CNTN5: variants seen among roughly 807,000 people sequenced by gnomAD.
CNTN5 encodes contactin-5.
CNTN5 carries 77 observed loss-of-function variants against 129.1 expected under a neutral mutation model. That is an observed-to-expected ratio of 0.60 (90% confidence interval 0.50 to 0.72). The LOEUF (loss-of-function observed/expected upper bound fraction) is 0.72, where lower values mean the gene tolerates loss of function less well. Among genes scored for constraint, CNTN5 ranks in the 30% least tolerant of loss-of-function variants. The pLI is 0.00. For missense variants in CNTN5, 1,478 were observed against 1,328.8 expected, an observed-to-expected ratio of 1.11 and a Z score of -1.75; for synonymous variants, 509 against 465.6, an observed-to-expected ratio of 1.09 and a Z score of -1.20.
chr11:99,087,842 T>A (rs7128192), intron 1 of CNTN5, among the ~76,000 whole-genome samples: 3,367 of 152,278 alleles, frequency 0.022, 128 homozygotes, highest in African/African-American at 0.078. Context: ...AATTTTATTT[T>A]CCCTAAGACA....
intron 21 of CNTN5, among the ~76,000 whole-genome samples, chr11:100,323,322 CTCTT>C (rs1456891858): frequency 7.2e-5 from 11 of 152,184 alleles, no homozygotes. Context: ...TTTTCAACGG[CTCTT>C]TCTGATTAAC....
Position 100,294,789 on chromosome 11 carries a change from A to C in CNTN5, c.2315-2836A>C, listed in dbSNP as rs180963705. 2.8e-3 allele frequency among the ~76,000 whole-genome samples: 420 copies of C among 151,776 alleles called. 2 individuals are homozygous for C. The highest frequency in any genetic ancestry group is 9.5e-3 in the African/African-American group (395 of 41,520). On this transcript the variant is annotated intron_variant, in intron 18 of 24. Coordinates refer to ENST00000524871, the MANE Select transcript of CNTN5 (RefSeq NM_014361.4). The stretch of plus-strand genomic sequence containing the variant: ...CATAAGCGCTCCGAAAGATTAAGTC[A>C]AATCCCTTCAGATCAGGAATATGTT...
intron 3 of CNTN5, among the ~76,000 whole-genome samples, chr11:99,642,810 A>G (rs957167883): frequency 6.6e-6 from 1 of 152,136 alleles, no homozygotes; most frequent in African/African-American, 2.4e-5. Context: ...CTGTGAGATC[A>G]ACTTTCTAGA....
At chr11:100,259,123 A>G (rs565176179) in intron 17 of CNTN5, among the ~76,000 whole-genome samples, 2 of 151,028 alleles carry the variant, frequency 1.3e-5, no homozygotes, top group East Asian at 4.2e-4. Context: ...AATGAAGAGC[A>G]AAAAAAAGCA....
At chr11:99,602,493 A>G (rs17133913) in intron 3 of CNTN5, among the ~76,000 whole-genome samples, 1,649 of 152,234 alleles carry the variant, frequency 0.011, 34 homozygotes, top group African/African-American at 0.036. Flanking sequence ...TGTATTGATC[A>G]GGCACATTTC....
intron 13 of CNTN5, among the ~76,000 whole-genome samples, chr11:100,173,620 G>A (rs1947883478): frequency 6.6e-6 from 1 of 152,100 alleles, no homozygotes; most frequent in Admixed American, 6.6e-5. Flanking sequence ...TGAGCAAAAT[G>A]GTAGAGGTGG....
intron 1 of CNTN5, among the ~76,000 whole-genome samples, chr11:99,219,948 T>A (rs1448658656): frequency 6.6e-6 from 1 of 152,006 alleles, no homozygotes; most frequent in Non-Finnish European, 1.5e-5. Context: ...GAAACTTTGC[T>A]CCTCAAAGAG....
intron 3 of CNTN5, among the ~76,000 whole-genome samples, chr11:99,587,395 C>T (rs574346536): frequency 3.7e-4 from 56 of 152,284 alleles, no homozygotes; most frequent in African/African-American, 1.3e-3. Context: ...CAGTGTCTCC[C>T]ATAAAGGAGC....
At chr11:99,523,733 T>A (rs1035198113) in intron 2 of CNTN5, among the ~76,000 whole-genome samples, 5 of 150,292 alleles carry the variant, frequency 3.3e-5, no homozygotes, top group Admixed American at 6.6e-5. Context: ...ATAGAATATG[T>A]GTTTGTTTTT....
intron 8 of CNTN5, among the ~76,000 whole-genome samples, chr11:99,993,656 G>A (rs1939265633): frequency 1.3e-5 from 2 of 152,084 alleles, no homozygotes; most frequent in South Asian, 4.1e-4. Context: ...AGGCAGTAAT[G>A]CTCACTTACC....
At chr11:99,589,135 T>C (rs926687628) in intron 3 of CNTN5, among the ~76,000 whole-genome samples, 1 of 152,196 alleles carries the variant, frequency 6.6e-6, no homozygotes, top group African/African-American at 2.4e-5. Flanking sequence ...ACTGTCATAA[T>C]ACAAGGGGAT....
intron 1 of CNTN5, among the ~76,000 whole-genome samples, chr11:99,142,064 G>A (rs769363118): frequency 3.3e-5 from 5 of 152,178 alleles, no homozygotes; most frequent in East Asian, 3.9e-4. Context: ...TTTGCTTCTC[G>A]ATGATTTCAA....
chr11:100,313,604 T>C (rs1401996964), intron 21 of CNTN5, among the ~76,000 whole-genome samples: 1 of 151,900 alleles, frequency 6.6e-6, no homozygotes, highest in Non-Finnish European at 1.5e-5. Flanking sequence ...TGGAGTCAAA[T>C]TGAGAGAACA....
intron 13 of CNTN5, among the ~76,000 whole-genome samples, chr11:100,100,320 G>A (rs1945175796): frequency 6.6e-6 from 1 of 152,048 alleles, no homozygotes; most frequent in African/African-American, 2.4e-5. Flanking sequence ...TAGGTGCTCA[G>A]TGCACTTCAT....
chr11:99,973,779 G>A (rs1937741012), intron 8 of CNTN5, among the ~76,000 whole-genome samples: 1 of 152,042 alleles, frequency 6.6e-6, no homozygotes, highest in Non-Finnish European at 1.5e-5. Flanking sequence ...AGGATATTGA[G>A]GATTCTAAAA....
At chr11:99,039,197 C>T (rs541040159) in intron 1 of CNTN5, among the ~76,000 whole-genome samples, 19 of 152,088 alleles carry the variant, frequency 1.2e-4, no homozygotes, top group Non-Finnish European at 2.2e-4. Flanking sequence ...ATGTTGTAGA[C>T]CAAAATGAAG....
intron 16 of CNTN5, among the ~76,000 whole-genome samples, chr11:100,235,131 G>C (rs1453025660): frequency 6.6e-6 from 1 of 152,130 alleles, no homozygotes; most frequent in African/African-American, 2.4e-5. Flanking sequence ...CAAAATATTG[G>C]AAGTACATTG....
intron 9 of CNTN5, among the ~76,000 whole-genome samples, chr11:100,053,320 G>A (rs1183652403): frequency 1.3e-5 from 2 of 151,510 alleles, no homozygotes; most frequent in African/African-American, 4.8e-5. Flanking sequence ...AGCTCAGATT[G>A]GAAGAAAATA....
chr11:100,067,013 C>T (rs548527861), intron 10 of CNTN5, among the ~76,000 whole-genome samples: 1 of 151,756 alleles, frequency 6.6e-6, no homozygotes, highest in South Asian at 2.1e-4. Flanking sequence ...AAAATTTTAC[C>T]ACTGCCCTTT....
Sources: gnomAD v4.1 joint callset for allele counts (sites outside exome capture counted in the v4.1 genomes callset) on GRCh38, gnomAD v4.1.1 for gene constraint, MANE v1.5 for transcripts, NCBI Gene and HGNC (gene_info 2026-07-23, HGNC 2026-07-21) for gene names.